Variants in MED15 observed in about 807,000 individuals in gnomAD.
MED15 encodes mediator of RNA polymerase II transcription subunit 15.
MED15 carries 41 observed loss-of-function variants against 118.7 expected under a neutral mutation model. The observed-to-expected ratio is 0.35, with a 90% confidence interval of 0.27 to 0.45. The LOEUF is 0.45. Ranked by LOEUF, MED15 falls within the 20% of genes least tolerant of loss-of-function variation. MED15 has a pLI of 1.00. For synonymous variants in MED15, 436 were observed against 413.9 expected (o/e 1.05, Z -0.65); for missense variants, 740 against 1,025.5 (o/e 0.72, Z 3.80).
chr22:20,507,889 G>GC lies in MED15; in HGVS notation c.68+150dup, dbSNP rs368300998. On this transcript the variant is annotated intron_variant, in intron 1 of 17. Transcript: ENST00000263205. ...GACTTGCGTGGGTCCCAGGGCTCGGGCCCCCCCGTCTGTCCCCTCCGTTCC... is the reference window on the plus strand; with the variant it reads ...GACTTGCGTGGGTCCCAGGGCTCGGGCCCCCCCCGTCTGTCCCCTCCGTTCC... 1.2e-3 allele frequency: 1,743 copies of GC among 1,483,604 alleles called. 19 individuals carry two copies. In the African/African-American group the frequency reaches 0.022, roughly 19 times the overall value. 91.9% of individuals were successfully genotyped at this position (1,483,604 alleles called of 1,614,324 possible).
chr22:20,568,722 TA>T, intron 8 of MED15, 91 bp downstream of exon 8: 4 of 1,531,126 alleles, frequency 2.6e-6, no homozygotes, highest in Non-Finnish European at 3.5e-6. Flanking sequence ...CTGGTTGGAT[TA>T]GGGGCTGGGG....
chr22:20,522,993 T>C (rs1314284739), intron 1 of MED15: 1 of 152,198 alleles, frequency 6.6e-6, no homozygotes, highest in Non-Finnish European at 1.5e-5. Flanking sequence ...GTGGGTGTAG[T>C]ACTTCGTTCC....
At chr22:20,547,545 C>T (rs190018626) in intron 2 of MED15, among the ~76,000 whole-genome samples, 5 of 152,222 alleles carry the variant, frequency 3.3e-5, no homozygotes, top group Admixed American at 2.6e-4. Flanking sequence ...ATTGGCCAGG[C>T]GTGGTGGCTC....
chr22:20,581,223 A>G (rs1236382933), intron 9 of MED15, among the ~76,000 whole-genome samples: 1 of 151,836 alleles, frequency 6.6e-6, no homozygotes, highest in East Asian at 2.1e-4. Context: ...CAGGACAGAA[A>G]GAGCATTTCG....
intron 1 of MED15, among the ~76,000 whole-genome samples, chr22:20,517,710 C>T (rs1179128182): frequency 6.6e-6 from 1 of 152,166 alleles, no homozygotes; most frequent in Non-Finnish European, 1.5e-5. Flanking sequence ...GTGCCAGTTT[C>T]CTGAGTACTG....
intron 1 of MED15, chr22:20,508,502 A>G: frequency 1.0e-6 from 1 of 981,952 alleles, no homozygotes. Flanking sequence ...CCGAAAAGAG[A>G]GTCAGCGAAG....
At position 20,552,096 on chromosome 22, in the gene MED15, C is replaced by G. The variant is rs546643717; in HGVS notation, c.208+609C>G. Among the ~76,000 whole-genome samples the G allele has an allele frequency of 3.3e-5, 5 of 152,304 alleles. No individual in the cohort carries two copies. In the East Asian group the frequency reaches 9.6e-4, roughly 29 times the overall value. ...AGGGTCTTCGTGCTTGTGTGTGTTA[C>G]GTGGAAGTATGTGGACACCAAGTGT... On this transcript the variant is annotated intron_variant, in intron 3 of 17. Coordinates refer to ENST00000263205, the MANE Select transcript of MED15 (RefSeq NM_001003891.3).
chr22:20,535,488 CTATT>C (rs2146436607), intron 1 of MED15, among the ~76,000 whole-genome samples: 1 of 152,102 alleles, frequency 6.6e-6, no homozygotes, highest in African/African-American at 2.4e-5. Flanking sequence ...TGGACTGGGC[CTATT>C]CAATTCACTC....
chr22:20,536,675 T>G (rs2055092699), intron 1 of MED15, among the ~76,000 whole-genome samples: 1 of 152,176 alleles, frequency 6.6e-6, no homozygotes, highest in African/African-American at 2.4e-5. Flanking sequence ...CCCCTTCATT[T>G]TATAGGAGTA....
chr22:20,553,442 G>C (rs73156998), intron 4 of MED15, among the ~76,000 whole-genome samples: 203 of 152,306 alleles, frequency 1.3e-3, no homozygotes, highest in South Asian at 8.9e-3. Flanking sequence ...CACTCACAAA[G>C]CTATTAAGAC....
intron 8 of MED15, chr22:20,574,003 C>G (rs534620917): frequency 1.3e-5 from 2 of 152,364 alleles, no homozygotes; most frequent in African/African-American, 4.8e-5. Context: ...TCTGGCACCT[C>G]CTGTGCGTGC....
intron 1 of MED15, among the ~76,000 whole-genome samples, chr22:20,533,342 T>C (rs1356268803): frequency 6.6e-6 from 1 of 152,236 alleles, no homozygotes; most frequent in Non-Finnish European, 1.5e-5. Context: ...GGGGATTAGC[T>C]GCAGAGTTCC....
At chr22:20,528,150 G>A (rs529845149) in intron 1 of MED15, among the ~76,000 whole-genome samples, 12 of 152,074 alleles carry the variant, frequency 7.9e-5, no homozygotes, top group South Asian at 2.1e-4. Context: ...ATGTTATGGC[G>A]TCTGGCTGCC....
chr22:20,514,270 G>T (rs2054178327), intron 1 of MED15, among the ~76,000 whole-genome samples: 2 of 152,278 alleles, frequency 1.3e-5, no homozygotes, highest in South Asian at 4.1e-4. Context: ...CCTTCCTCAT[G>T]GGATTGCTGG....
chr22:20,533,993 T>C (rs953598728), intron 1 of MED15, among the ~76,000 whole-genome samples: 1 of 152,158 alleles, frequency 6.6e-6, no homozygotes, highest in African/African-American at 2.4e-5. Context: ...GCTGACACTC[T>C]CAAAAACGGC....
chr22:20,578,096 T>C (rs2056875973), intron 9 of MED15, among the ~76,000 whole-genome samples: 1 of 152,114 alleles, frequency 6.6e-6, no homozygotes, highest in South Asian at 2.1e-4. Context: ...GGCTAATTTT[T>C]GTATTTTTAG....
rs372456852 is a variant in MED15 at position 20,575,172 on chromosome 22, C to A, written c.1212C>A (p.Thr404=). The change falls in exon 9 of 18, where the codon ACC becomes ACA. Residue 404 remains threonine, a synonymous_variant. Transcript: ENST00000263205. ...ACATAAGAGCCCGGTTCCCGCCTAC[C>A]ACCGCTGTGTCCGCCATCCCGTCAA... The part of the protein sequence containing the change: ...GMHIRARFPP[T]TAVSAIPSSS... 2 of 1,614,082 alleles carry A rather than the reference C, an allele frequency of 1.2e-6. No individual in the cohort carries two copies. The highest frequency in any genetic ancestry group is 1.7e-5 in the Admixed American group (1 of 60,008).
At chr22:20,582,066 G>T (rs1346983910) in intron 9 of MED15, 1 of 160,552 alleles carries the variant, frequency 6.2e-6, no homozygotes, top group Admixed American at 6.5e-5. Flanking sequence ...AGCAGGTCCA[G>T]GTGGGACAGC....
intron 7 of MED15, 125 bp downstream of exon 7, chr22:20,566,942 A>C (rs1601602298): frequency 5.4e-6 from 8 of 1,492,016 alleles, no homozygotes; most frequent in East Asian, 2.3e-5. Context: ...GGCAGCCCCC[A>C]CCCCTTGCCA....
Sources: allele counts gnomAD v4.1 joint callset (sites outside exome capture counted in the v4.1 genomes callset), GRCh38; gene constraint gnomAD v4.1.1; transcripts MANE v1.5; gene names NCBI Gene and HGNC (gene_info 2026-07-23, HGNC 2026-07-21).